RBMS3: variants seen among roughly 807,000 people sequenced by gnomAD.
The protein encoded by RBMS3 is RNA binding motif single stranded interacting protein 3.
RBMS3 carries 27 observed loss-of-function variants against 66.8 expected under a neutral mutation model. That is an observed-to-expected ratio of 0.40 (90% CI 0.30 to 0.56). RBMS3 has a LOEUF of 0.56. RBMS3 is among the 20% of genes least tolerant of loss of function. The pLI is 0.40. For missense variants in RBMS3, 513 were observed against 549.5 expected, an observed-to-expected ratio of 0.93 and a Z score of 0.66; for synonymous variants, 188 against 183.0, an observed-to-expected ratio of 1.03 and a Z score of -0.22.
chr3:29,389,124 C>G (rs1446456987), intron 1 of RBMS3, among the ~76,000 whole-genome samples: 8 of 152,082 alleles, frequency 5.3e-5, no homozygotes, highest in Non-Finnish European at 1.5e-5. Context: ...TCTAGACAAG[C>G]AAAAAATAAA....
chr3:29,536,384 AAAAAATTT>A (rs1229240772), intron 3 of RBMS3, among the ~76,000 whole-genome samples: 1 of 152,178 alleles, frequency 6.6e-6, no homozygotes, highest in Non-Finnish European at 1.5e-5. Flanking sequence ...GACTGGCCAA[AAAAAATTT>A]ACTTCCAAGA....
chr3:29,543,118 T>C (rs571046450), intron 3 of RBMS3, among the ~76,000 whole-genome samples: 2 of 152,276 alleles, frequency 1.3e-5, no homozygotes, highest in African/African-American at 4.8e-5. Context: ...GTGAAAGCCA[T>C]GTTTCTCTTT....
At chr3:29,434,662 A>G in intron 1 of RBMS3, 81 bp from the exon 2 acceptor site, 2 of 1,536,796 alleles carry the variant, frequency 1.3e-6, no homozygotes, top group Non-Finnish European at 1.8e-6. Flanking sequence ...CGCATAGCTT[A>G]CATTGATTTC....
rs1559519183 is a variant in RBMS3, at chr3:29,363,636, A to G, written c.76-71107A>G. Among the ~76,000 whole-genome samples, 3 of 152,186 alleles carry G rather than the reference A, an allele frequency of 2.0e-5. No homozygotes were observed. The South Asian group carries it at 6.2e-4, about 32-fold the overall frequency. ...AAACCCCATCTGTACTAAAAACATA[A>G]AAAATTAGCCGAGTGTTGTGGCATG... On this transcript the variant is annotated intron_variant, in intron 1 of 14. Transcript: ENST00000383767.
intron 2 of RBMS3, among the ~76,000 whole-genome samples, chr3:29,437,394 A>G (rs2041439847): frequency 6.6e-6 from 1 of 152,250 alleles, no homozygotes; most frequent in Admixed American, 6.5e-5. Context: ...TTTAACTCAG[A>G]GATGTGGTAA....
chr3:29,359,085 T>A (rs576331171), intron 1 of RBMS3, among the ~76,000 whole-genome samples: 90 of 152,322 alleles, frequency 5.9e-4, no homozygotes, highest in African/African-American at 2.0e-3. Context: ...AACACTATGT[T>A]GAATAGGAGT....
chr3:29,859,362 G>A (rs1486441171), intron 6 of RBMS3, among the ~76,000 whole-genome samples: 2 of 152,164 alleles, frequency 1.3e-5, no homozygotes. Context: ...GATAAAGTCA[G>A]TCATAAGAAC....
At position 29,281,762 on chromosome 3, in the gene RBMS3, G is replaced by A. The variant is rs1191591083; in HGVS notation, c.75+6G>A. 3 of 1,608,490 alleles carry A rather than the reference G, an allele frequency of 1.9e-6. No individual in the cohort carries two copies. Among genetic ancestry groups the A allele is most frequent in the South Asian group, 2.2e-5 (2 of 90,810 alleles). On this transcript the variant is annotated splice_donor_region_variant and intron_variant, in intron 1 of 14. Coordinates refer to ENST00000383767, the MANE Select transcript of RBMS3 (RefSeq NM_001003793.3). Reference sequence around the variant, plus strand: ...CTCATTATCTCCAAACCAAGGTATGGCTTGACCCACGGTCTGGCGATCAGC... The same window carrying A: ...CTCATTATCTCCAAACCAAGGTATGACTTGACCCACGGTCTGGCGATCAGC...
chr3:29,978,318 T>C (rs1697733788), intron 12 of RBMS3, among the ~76,000 whole-genome samples: 1 of 152,186 alleles, frequency 6.6e-6, no homozygotes, highest in Non-Finnish European at 1.5e-5. Context: ...AGAAGAACTG[T>C]AATACAAAAA....
chr3:29,355,275 G>A (rs537708839), intron 1 of RBMS3, among the ~76,000 whole-genome samples: 1 of 151,130 alleles, frequency 6.6e-6, no homozygotes, highest in African/African-American at 2.4e-5. Context: ...TAAAGTAAAA[G>A]TTTGTCTCTA....
intron 4 of RBMS3, among the ~76,000 whole-genome samples, chr3:29,702,473 C>A (rs1186151065): frequency 6.6e-6 from 1 of 152,214 alleles, no homozygotes; most frequent in African/African-American, 2.4e-5. Context: ...CTGGCAGTGG[C>A]AACCCGCCGG....
rs68074936 is a variant in RBMS3 at position 29,592,195 on chromosome 3, T to TAC, written c.399+5008_399+5009dup. Among the ~76,000 whole-genome samples, 982 of 149,216 alleles carry TAC rather than the reference T, an allele frequency of 6.6e-3. 8 individuals carry two copies. Among genetic ancestry groups the TAC allele is most frequent in the African/African-American group, 0.013 (545 of 40,918 alleles). ...AAAATATTTTAAATTCAAACACACA[T>TAC]ACACACACACACACACACAATGAAT... is the stretch of plus-strand genomic sequence containing the variant. On this transcript the variant is annotated intron_variant, in intron 4 of 14. Transcript: ENST00000383767.
chr3:29,743,180 A>C (rs2054717351), intron 5 of RBMS3, among the ~76,000 whole-genome samples: 1 of 152,170 alleles, frequency 6.6e-6, no homozygotes, highest in Admixed American at 6.5e-5. Context: ...TTGGCTGTGC[A>C]TTTTCTCAAG....
chr3:29,373,407 G>A (rs1310111794), intron 1 of RBMS3, among the ~76,000 whole-genome samples: 1 of 152,218 alleles, frequency 6.6e-6, no homozygotes. Context: ...ATGCACATAT[G>A]TAAGGAATAA....
chr3:29,795,371 T>C (rs968926806), intron 6 of RBMS3, among the ~76,000 whole-genome samples: 1 of 152,200 alleles, frequency 6.6e-6, no homozygotes, highest in African/African-American at 2.4e-5. Flanking sequence ...ATATTTAAAA[T>C]GTATCTTTGC....
At chr3:29,298,102 C>G (rs1025366271) in intron 1 of RBMS3, among the ~76,000 whole-genome samples, 4 of 151,830 alleles carry the variant, frequency 2.6e-5, no homozygotes, top group African/African-American at 9.7e-5. Context: ...GCTCAAAACC[C>G]AAGGGCAATC....
At chr3:29,990,733 T>C (rs570680310) in intron 13 of RBMS3, among the ~76,000 whole-genome samples, 15 of 152,310 alleles carry the variant, frequency 9.8e-5, no homozygotes, top group African/African-American at 3.4e-4. Context: ...AGGAAAATGT[T>C]TGGACATACA....
chr3:29,349,713 C>T (rs1486252452), intron 1 of RBMS3, among the ~76,000 whole-genome samples: 1 of 152,194 alleles, frequency 6.6e-6, no homozygotes, highest in African/African-American at 2.4e-5. Context: ...TCTAACAACT[C>T]AGCTGTCTGC....
At chr3:29,658,215 C>T (rs576557070) in intron 4 of RBMS3, among the ~76,000 whole-genome samples, 13 of 152,094 alleles carry the variant, frequency 8.5e-5, no homozygotes, top group African/African-American at 2.9e-4. Flanking sequence ...TATGCATGGC[C>T]GGTAGAAAAC....
Sources: allele counts gnomAD v4.1 joint callset (sites outside exome capture counted in the v4.1 genomes callset), GRCh38; gene constraint gnomAD v4.1.1; transcripts MANE v1.5; gene names NCBI Gene and HGNC (gene_info 2026-07-23, HGNC 2026-07-21).